PRKCD: variants seen among roughly 807,000 people sequenced by gnomAD.
PRKCD encodes protein kinase C delta, also known as protein kinase C delta type.
PRKCD carries 20 observed loss-of-function variants against 82.2 expected under a neutral mutation model. That is an observed-to-expected ratio of 0.24 (90% CI 0.17 to 0.35). The LOEUF (loss-of-function observed/expected upper bound fraction) is 0.35, where lower values mean the gene tolerates loss of function less well. Ranked by LOEUF, PRKCD falls within the 10% of genes least tolerant of loss-of-function variation. The probability of loss-of-function intolerance (pLI) is 1.00; values close to 1 mark genes in which losing one functional copy is unlikely to be tolerated. For missense variants in PRKCD, 607 were observed against 899.0 expected (o/e 0.68, Z 4.15); for synonymous variants, 317 against 337.0 (o/e 0.94, Z 0.65).
chr3:53,184,823 T>C, intron 9 of PRKCD, 51 bp from the exon 10 acceptor site: 1 of 1,538,618 alleles, frequency 6.5e-7, no homozygotes, highest in Non-Finnish European at 9.0e-7. Flanking sequence ...CACTGCCCCC[T>C]GCCCTTGGCT....
chr3:53,184,818 C>G, intron 9 of PRKCD, 56 bp from the exon 10 acceptor site: 1 of 1,490,552 alleles, frequency 6.7e-7, no homozygotes, highest in Admixed American at 1.7e-5. Context: ...TCCTACACTG[C>G]CCCCTGCCCT....
At position 53,192,310 on chromosome 3, in the gene PRKCD, T is replaced by A. The variant is rs115951896; in HGVS notation, c.*44T>A. ...GCTAGCCCTGCCCTCCACCCACACC[T>A]GCCCGCTCCCCACGATAAGCACCAG... On this transcript the variant is annotated 3_prime_UTR_variant, in exon 19 of 19. Coordinates refer to ENST00000330452, the MANE Select transcript of PRKCD (RefSeq NM_006254.4). The A allele has an allele frequency of 6.3e-7, 1 of 1,599,882 alleles. No individual in the cohort carries two copies. The highest frequency in any genetic ancestry group is 1.3e-5 in the African/African-American group (1 of 74,628).
chr3:53,192,318 C>A lies in PRKCD; in HGVS notation c.*52C>A. 6.3e-7 allele frequency: 1 copy of A among 1,592,064 alleles called. No homozygotes were observed. Among genetic ancestry groups the A allele is most frequent in the Non-Finnish European group, 8.6e-7 (1 of 1,161,814 alleles). ...TGCCCTCCACCCACACCTGCCCGCT[C>A]CCCACGATAAGCACCAGTGGGACTG... is the stretch of plus-strand genomic sequence containing the variant. On this transcript the variant is annotated 3_prime_UTR_variant, in exon 19 of 19. Coordinates refer to ENST00000330452, the MANE Select transcript of PRKCD (RefSeq NM_006254.4).
chr3:53,183,779 G>A (rs1703561677), intron 9 of PRKCD, among the ~76,000 whole-genome samples, 198 bp downstream of exon 9: 1 of 152,236 alleles, frequency 6.6e-6, no homozygotes. Flanking sequence ...TGTGACCACA[G>A]GTGGGCGGCT....
At chr3:53,188,025 A>G (rs1703772672) in intron 15 of PRKCD, among the ~76,000 whole-genome samples, 1 of 151,800 alleles carries the variant, frequency 6.6e-6, no homozygotes, top group South Asian at 2.1e-4. Flanking sequence ...TGTCTCTACT[A>G]AAAAATACAA....
intron 18 of PRKCD, 96 bp from the exon 19 acceptor site, chr3:53,192,012 C>G: frequency 7.4e-7 from 1 of 1,346,044 alleles, no homozygotes; most frequent in Non-Finnish European, 1.0e-6. Context: ...GTGAGGACAG[C>G]TCTGGCCTGG....
intron 7 of PRKCD, among the ~76,000 whole-genome samples, chr3:53,182,357 C>G (rs1703478481): frequency 6.6e-6 from 1 of 152,154 alleles, no homozygotes; most frequent in African/African-American, 2.4e-5. Context: ...TAACCTCCCT[C>G]TCCAAGGTTC....
At chr3:53,187,447 AG>A (rs781877971) in intron 15 of PRKCD, 45 bp downstream of exon 15, 2 of 1,596,238 alleles carry the variant, frequency 1.3e-6, no homozygotes, top group Admixed American at 3.3e-5. Context: ...GGGAGGCTCC[AG>A]CCCCATCATA....
chr3:53,185,432 C>A (rs531405229), intron 10 of PRKCD, among the ~76,000 whole-genome samples, 172 bp from the exon 11 acceptor site: 1 of 152,366 alleles, frequency 6.6e-6, no homozygotes, highest in Admixed American at 6.5e-5. Flanking sequence ...CTTCTCTGGG[C>A]TCCTGGAAGA....
At position 53,186,030 on chromosome 3, in the gene PRKCD, G is replaced by A. The variant is rs1188111635; in HGVS notation, c.1086+3G>A. 5 of 1,614,038 alleles carry A rather than the reference G, an allele frequency of 3.1e-6. No individual in the cohort carries two copies. In the African/African-American group the frequency reaches 5.3e-5, roughly 17 times the overall value. ...TGGGCAAAGGCAGCTTCGGGAAGGT[G>A]AGGGCTGTGAGCCGGGCACCTGCTT... is the stretch of plus-strand genomic sequence containing the variant. On this transcript the variant is annotated splice_donor_region_variant and intron_variant, in intron 12 of 18. Coordinates refer to ENST00000330452, the MANE Select transcript of PRKCD (RefSeq NM_006254.4).
At chr3:53,180,748 C>T (rs1400885749) in intron 4 of PRKCD, among the ~76,000 whole-genome samples, 3 of 152,064 alleles carry the variant, frequency 2.0e-5, no homozygotes, top group Non-Finnish European at 4.4e-5. Flanking sequence ...AGGCTCAGGT[C>T]CCACCCTCGA....
intron 2 of PRKCD, among the ~76,000 whole-genome samples, chr3:53,170,825 A>G (rs1418850025): frequency 4.6e-5 from 7 of 152,146 alleles, no homozygotes; most frequent in African/African-American, 9.7e-5. Context: ...GCCAGTGTGT[A>G]CATCACAGCT....
In PRKCD at chr3:53,192,202, A is replaced by C. The variant is rs1471808870; in HGVS notation, c.1967A>C (p.Asp656Ala). The C allele has an allele frequency of 6.2e-7, 1 of 1,613,950 alleles. No homozygotes were observed. ...GACAAGAACCTCATCGACTCCATGG[A>C]CCAGTCTGCATTCGCTGGCTTCTCC... Reference protein sequence around the residue: ...YSDKNLIDSMDQSAFAGFSFV... With the variant: ...YSDKNLIDSMAQSAFAGFSFV... The change falls in exon 19 of 19, where the codon GAC becomes GCC. Residue 656 changes from aspartate to alanine, a missense_variant. By Grantham distance (126) the Asp-to-Ala change is moderately radical. Transcript: ENST00000330452.
At chr3:53,174,423 C>T (rs554498352) in intron 2 of PRKCD, among the ~76,000 whole-genome samples, 54 of 152,340 alleles carry the variant, frequency 3.5e-4, no homozygotes, top group African/African-American at 1.3e-3. Context: ...CCTGGCCCTG[C>T]AGAGTGGCCA....
At chr3:53,189,770 T>G in intron 17 of PRKCD, 103 bp from the exon 18 acceptor site, 1 of 1,534,486 alleles carries the variant, frequency 6.5e-7, no homozygotes, top group South Asian at 1.2e-5. Context: ...TGACTGGGGC[T>G]GGGGCAAGCC....
intron 7 of PRKCD, 57 bp downstream of exon 7, chr3:53,181,789 C>G (rs1179126711): frequency 1.2e-6 from 2 of 1,611,202 alleles, no homozygotes; most frequent in African/African-American, 2.7e-5. Flanking sequence ...TCACGTGTGC[C>G]AGTGCCTGTG....
At chr3:53,188,582 C>A in intron 15 of PRKCD, 138 bp from the exon 16 acceptor site, 1 of 1,164,900 alleles carries the variant, frequency 8.6e-7, no homozygotes, top group Non-Finnish European at 1.2e-6. Context: ...TCTCCTTCTG[C>A]TTCCTTTTCT....
chr3:53,190,851 G>T (rs1553670663), intron 18 of PRKCD, among the ~76,000 whole-genome samples: 1 of 152,238 alleles, frequency 6.6e-6, no homozygotes, highest in Non-Finnish European at 1.5e-5. Context: ...ACTCAGACGT[G>T]TCCTGGCTGA....
At chr3:53,185,009 C>T in intron 10 of PRKCD, 35 bp downstream of exon 10, 1 of 1,576,882 alleles carries the variant, frequency 6.3e-7, no homozygotes, top group Non-Finnish European at 8.7e-7. Flanking sequence ...GGACACAGGG[C>T]AGTGGGGTCA....
Sources: allele counts gnomAD v4.1 joint callset (sites outside exome capture counted in the v4.1 genomes callset), GRCh38; gene constraint gnomAD v4.1.1; transcripts MANE v1.5; gene names NCBI Gene and HGNC (gene_info 2026-07-23, HGNC 2026-07-21).